GPLD1: variants seen among roughly 807,000 people sequenced by gnomAD.
GPLD1 encodes phosphatidylinositol-glycan-specific phospholipase D.
GPLD1 carries 84 observed loss-of-function variants against 112.6 expected under a neutral mutation model. That is an observed-to-expected ratio of 0.75 (90% CI 0.63 to 0.89). GPLD1 has a LOEUF of 0.89. Among genes scored for constraint, GPLD1 ranks in the 40% least tolerant of loss-of-function variants. The pLI is 0.00. For missense variants in GPLD1, 1,044 were observed against 1,051.5 expected (o/e 0.99, Z 0.10); for synonymous variants, 386 against 403.8 (o/e 0.96, Z 0.53).
rs2793441 is a variant in GPLD1 at position 24,462,665 on chromosome 6, C to A, written c.887+65G>T. On this transcript the variant is annotated intron_variant, in intron 11 of 24. Transcript: ENST00000230036. ...TCTCAACAGATCCCGTGTTCTCAAC[C>A]TCTATAGGGCATCTCCTCCAGGTGA... is the stretch of plus-strand genomic sequence containing the variant. 2.0e-3 allele frequency: 1,984 copies of A among 1,017,178 alleles called. 23 individuals carry two copies. In the African/African-American group the frequency reaches 0.026, roughly 13 times the overall value. The allele number at this position is 1,017,178 out of a possible 1,614,324, so 63.0% of individuals were successfully genotyped here. A position where few individuals can be genotyped will look rare whatever the true frequency, so the allele number is the denominator to read the frequency against.
Position 24,437,128 on chromosome 6 carries a change from C to T in GPLD1, c.2182G>A (p.Asp728Asn). 3 of 1,614,130 alleles carry T rather than the reference C, an allele frequency of 1.9e-6. No homozygotes were observed. In the South Asian group the frequency reaches 3.3e-5, roughly 18 times the overall value. ...FGGVLHLSDLDDDGLDEIIMA... is the reference protein window; with the variant it reads ...FGGVLHLSDLNDDGLDEIIMA... ...CCTTTCTTACCTAAGCCATCATCAT[C>T]CAGGTCACTCAAGTGCAGAACGCCA... The change falls in exon 21 of 25, where the codon GAT becomes AAT. Residue 728 changes from aspartate (D) to asparagine (N), a missense_variant. Transcript: ENST00000230036.
intron 14 of GPLD1, among the ~76,000 whole-genome samples, chr6:24,453,325 T>TTATAC (rs1323547798): frequency 1.3e-5 from 2 of 152,198 alleles, no homozygotes; most frequent in Non-Finnish European, 2.9e-5. Context: ...TGTACTGTCT[T>TTATAC]TATACCTTTT....
At position 24,465,269 on chromosome 6, in the gene GPLD1, G is replaced by A. The variant is rs371534823; in HGVS notation, c.821+1411C>T. Among the ~76,000 whole-genome samples, 21 of 151,958 alleles carry A rather than the reference G, an allele frequency of 1.4e-4. No individual in the cohort carries two copies. The East Asian group carries it at 4.1e-3, about 29-fold the overall frequency. ...GAAATGGGTTTTCCGGCCACGCATG[G>A]TGGCTCATGCCTGTAATCCCAGCAC... On this transcript the variant is annotated intron_variant, in intron 10 of 24. Coordinates refer to ENST00000230036, the MANE Select transcript of GPLD1 (RefSeq NM_001503.4).
intron 3 of GPLD1, 43 bp from the exon 4 acceptor site, chr6:24,476,321 T>G (rs750920801): frequency 9.3e-7 from 1 of 1,071,548 alleles, no homozygotes; most frequent in East Asian, 2.6e-5. Flanking sequence ...TCTTAAAAGT[T>G]GGAGAGTCTC....
chr6:24,491,107 A>G (rs1175935949), upstream of GPLD1, among the ~76,000 whole-genome samples: 1 of 152,204 alleles, frequency 6.6e-6, no homozygotes, highest in Non-Finnish European at 1.5e-5. Context: ...AGCTGCAGCC[A>G]AAGAGCCAGC....
chr6:24,456,250 T>C (rs1170910758), intron 13 of GPLD1, among the ~76,000 whole-genome samples: 1 of 151,904 alleles, frequency 6.6e-6, no homozygotes, highest in African/African-American at 2.4e-5. Flanking sequence ...AATATAAAAA[T>C]TAGCCAGGCA....
intron 10 of GPLD1, among the ~76,000 whole-genome samples, 186 bp from the exon 11 acceptor site, chr6:24,462,981 CATGGTA>C (rs1763486775): frequency 6.6e-6 from 1 of 152,190 alleles, no homozygotes; most frequent in African/African-American, 2.4e-5. Flanking sequence ...TTGTCACTAT[CATGGTA>C]ATCCAGGAAG....
chr6:24,492,266 A>T (rs1764576170), upstream of GPLD1, among the ~76,000 whole-genome samples: 2 of 152,058 alleles, frequency 1.3e-5, no homozygotes, highest in African/African-American at 4.8e-5. Flanking sequence ...GCACTTTGGG[A>T]GGCCGAGGTG....
intron 5 of GPLD1, 35 bp downstream of exon 5, chr6:24,475,086 C>T (rs761820098): frequency 1.9e-6 from 2 of 1,039,682 alleles, no homozygotes; most frequent in South Asian, 2.5e-5. Context: ...AGTATCACTC[C>T]CATAAAGTCA....
At chr6:24,463,686 T>C (rs983840557) in intron 10 of GPLD1, among the ~76,000 whole-genome samples, 2 of 152,212 alleles carry the variant, frequency 1.3e-5, no homozygotes, top group Non-Finnish European at 2.9e-5. Flanking sequence ...CATTGCTTTT[T>C]TAAGGAAAAT....
At chr6:24,468,743 T>C (rs1453739013) in intron 7 of GPLD1, among the ~76,000 whole-genome samples, 5 of 152,156 alleles carry the variant, frequency 3.3e-5, no homozygotes, top group Non-Finnish European at 5.9e-5. Context: ...GTAAGGGGAC[T>C]GAACCTGCGA....
In GPLD1 at chr6:24,460,273, T is replaced by C. The variant is rs754801934; in HGVS notation, c.1008+6A>G. The C allele has an allele frequency of 3.7e-6, 6 of 1,613,778 alleles. No individual in the cohort carries two copies. Among genetic ancestry groups the C allele is most frequent in the Non-Finnish European group, 5.1e-6 (6 of 1,179,898 alleles). On this transcript the variant is annotated splice_donor_region_variant and intron_variant, in intron 12 of 24. Transcript: ENST00000230036. ...TCTTTCTCAACTTAGAGCAGAAAAT[T>C]CTTACCGGGGTCCAGGAATTTACAC...
At chr6:24,485,672 C>A (rs11754897) in intron 2 of GPLD1, among the ~76,000 whole-genome samples, 45,457 of 147,178 alleles carry the variant, frequency 0.31, 8,440 homozygotes, top group Non-Finnish European at 0.42. Context: ...AATAATGAGT[C>A]TCTTTTTTTT....
At chr6:24,446,751 T>C (rs1701818126) in intron 18 of GPLD1, 87 bp downstream of exon 18, 3 of 1,293,558 alleles carry the variant, frequency 2.3e-6, no homozygotes, top group African/African-American at 3.0e-5. Context: ...CCTAGCCCTT[T>C]TCCCTCAGCC....
intron 6 of GPLD1, 133 bp downstream of exon 6, chr6:24,473,486 G>C: frequency 1.7e-6 from 1 of 585,810 alleles, no homozygotes; most frequent in South Asian, 2.4e-5. Context: ...TACTCTAAAT[G>C]AACTGCAACA....
intron 11 of GPLD1, 61 bp downstream of exon 11, chr6:24,462,669 A>G (rs1182120381): frequency 9.5e-7 from 1 of 1,053,166 alleles, no homozygotes; most frequent in African/African-American, 1.6e-5. Context: ...CTCAACCTCT[A>G]TAGGGCATCT....
chr6:24,482,141 C>T (rs1316192979), intron 2 of GPLD1, among the ~76,000 whole-genome samples: 44 of 140,986 alleles, frequency 3.1e-4, no homozygotes, highest in African/African-American at 1.0e-3. Flanking sequence ...CACACTGTCA[C>T]CGGGCTGGAG....
At chr6:24,447,202 G>A (rs926244040) in intron 17 of GPLD1, among the ~76,000 whole-genome samples, 4 of 152,084 alleles carry the variant, frequency 2.6e-5, no homozygotes, top group African/African-American at 9.7e-5. Flanking sequence ...TGGAGCAGAG[G>A]ATGCTATTTA....
At chr6:24,447,080 T>C in intron 17 of GPLD1, 101 bp from the exon 18 acceptor site, 1 of 1,065,006 alleles carries the variant, frequency 9.4e-7, no homozygotes, top group Non-Finnish European at 1.4e-6. Context: ...AGTGGGTTCA[T>C]TTTGCTGAGT....
Sources: allele counts gnomAD v4.1 joint callset (sites outside exome capture counted in the v4.1 genomes callset), GRCh38; gene constraint gnomAD v4.1.1; transcripts MANE v1.5; gene names NCBI Gene and HGNC (gene_info 2026-07-23, HGNC 2026-07-21).